CSTPP1: variants seen among roughly 807,000 people sequenced by gnomAD.
CSTPP1 encodes the protein UPF0705 protein C11orf49.
the CSTPP1 span, chr11:47,155,952 C>T: frequency 6.6e-6 from 1 of 152,252 alleles, no homozygotes; most frequent in African/African-American, 2.4e-5. Flanking sequence ...TATACACCAG[C>T]TCACGCACAG....
the CSTPP1 span, among the ~76,000 whole-genome samples, chr11:47,135,941 T>C: frequency 7.2e-5 from 11 of 152,166 alleles, no homozygotes; most frequent in Admixed American, 2.6e-4. Context: ...AGGAAGCTAA[T>C]GTTGACTCCT....
At chr11:47,012,058 T>G in the CSTPP1 span, among the ~76,000 whole-genome samples, 1 of 151,928 alleles carries the variant, frequency 6.6e-6, no homozygotes, top group Non-Finnish European at 1.5e-5. Context: ...GAGGATTGAT[T>G]GAGGCCAGGA....
At chr11:47,101,144 G>A in the CSTPP1 span, among the ~76,000 whole-genome samples, 1 of 131,786 alleles carries the variant, frequency 7.6e-6, no homozygotes, top group Admixed American at 8.3e-5. Context: ...GATTACAGGT[G>A]CCTGCCACCA....
At chr11:47,110,530 G>GT in the CSTPP1 span, among the ~76,000 whole-genome samples, 1 of 152,022 alleles carries the variant, frequency 6.6e-6, no homozygotes, top group Non-Finnish European at 1.5e-5. Flanking sequence ...AGACTAAACT[G>GT]CCCCTTATTG....
At chr11:47,026,427 G>A in the CSTPP1 span, among the ~76,000 whole-genome samples, 110 of 152,026 alleles carry the variant, frequency 7.2e-4, no homozygotes, top group Admixed American at 7.9e-4. Context: ...AGAGATTTAC[G>A]GTAATTGTTG....
At chr11:47,063,236 A>G in the CSTPP1 span, among the ~76,000 whole-genome samples, 1 of 152,138 alleles carries the variant, frequency 6.6e-6, no homozygotes, top group Non-Finnish European at 1.5e-5. Context: ...ATATATATAT[A>G]TGGTTTTTCT....
the CSTPP1 span, among the ~76,000 whole-genome samples, chr11:46,958,450 G>A: frequency 6.6e-6 from 1 of 151,768 alleles, no homozygotes; most frequent in Non-Finnish European, 1.5e-5. Flanking sequence ...ATGTTTTGGG[G>A]GAGTCCAAAG....
chr11:47,116,347 C>G, the CSTPP1 span, among the ~76,000 whole-genome samples: 2 of 152,166 alleles, frequency 1.3e-5, no homozygotes, highest in East Asian at 3.8e-4. Context: ...TGTTGCAGAG[C>G]TGAGTTCAGG....
the CSTPP1 span, among the ~76,000 whole-genome samples, chr11:47,055,003 C>T: frequency 2.8e-4 from 34 of 123,406 alleles, no homozygotes; most frequent in South Asian, 1.4e-3. Context: ...TACAATGACA[C>T]AATCTCAGCT....
the CSTPP1 span, among the ~76,000 whole-genome samples, chr11:46,992,302 A>G: frequency 9.9e-5 from 15 of 151,592 alleles, no homozygotes; most frequent in Non-Finnish European, 1.5e-4. Flanking sequence ...GGTTTGTTAC[A>G]TATGTATACA....
chr11:46,987,151 C>A, the CSTPP1 span: 1 of 1,540,944 alleles, frequency 6.5e-7, no homozygotes, highest in Non-Finnish European at 9.0e-7. Context: ...GGATTGGGAT[C>A]ATTCTTTTTA....
the CSTPP1 span, among the ~76,000 whole-genome samples, chr11:46,959,498 T>G: frequency 1.3e-5 from 2 of 152,192 alleles, no homozygotes; most frequent in Non-Finnish European, 2.9e-5. Flanking sequence ...GAGTAGTAAC[T>G]TTACTATGTA....
chr11:47,077,034 A>G, the CSTPP1 span, among the ~76,000 whole-genome samples: 1 of 151,830 alleles, frequency 6.6e-6, no homozygotes, highest in Admixed American at 6.6e-5. Context: ...AGTTCTAGAA[A>G]GAGAAATTGG....
At chr11:47,163,979 C>A in the CSTPP1 span, 1 of 1,244,234 alleles carries the variant, frequency 8.0e-7, no homozygotes, top group Non-Finnish European at 1.1e-6. Flanking sequence ...GAAACCCATC[C>A]CCAGTCAAGC....
At chr11:46,983,393 A>G in the CSTPP1 span, among the ~76,000 whole-genome samples, 1 of 152,218 alleles carries the variant, frequency 6.6e-6, no homozygotes, top group Non-Finnish European at 1.5e-5. Flanking sequence ...CAGTGATGCT[A>G]TCTGAGCAAG....
At chr11:46,980,332 C>T in the CSTPP1 span, among the ~76,000 whole-genome samples, 1 of 152,120 alleles carries the variant, frequency 6.6e-6, no homozygotes, top group Non-Finnish European at 1.5e-5. Flanking sequence ...TTGCCTCTGG[C>T]GTGTCTTTTA....
the CSTPP1 span, chr11:47,137,796 GA>G: frequency 6.7e-7 from 1 of 1,493,082 alleles, no homozygotes; most frequent in South Asian, 1.1e-5. Flanking sequence ...GAGAAACCTG[GA>G]GTGTATACAA....
At chr11:47,159,473 G>A in the CSTPP1 span, among the ~76,000 whole-genome samples, 1 of 151,906 alleles carries the variant, frequency 6.6e-6, no homozygotes, top group Non-Finnish European at 1.5e-5. Context: ...TCACGCCATT[G>A]CACGCCAGCC....
chr11:47,128,999 G>A, the CSTPP1 span, among the ~76,000 whole-genome samples: 2 of 152,194 alleles, frequency 1.3e-5, no homozygotes, highest in Admixed American at 6.5e-5. Context: ...GGGAGGGTGT[G>A]ATGTTTTCTC....
Sources: allele counts gnomAD v4.1 joint callset (sites outside exome capture counted in the v4.1 genomes callset), GRCh38; gene constraint gnomAD v4.1.1; transcripts MANE v1.5; gene names NCBI Gene and HGNC (gene_info 2026-07-23, HGNC 2026-07-21).